ANO10: variants seen among roughly 807,000 people sequenced by gnomAD.
ANO10 encodes anoctamin 10.
In ANO10, 77 loss-of-function variants were observed where a neutral mutation model predicts 74.7. The ratio of observed to expected loss-of-function variants is 1.03; its 90% CI spans 0.86 to 1.25. The LOEUF is 1.25. ANO10 is among the 50% of genes most tolerant of loss of function. ANO10 has a pLI of 0.00. For missense variants in ANO10, 721 were observed against 778.1 expected (o/e 0.93, Z 0.87); for synonymous variants, 279 against 284.9 (o/e 0.98, Z 0.21).
intron 11 of ANO10, among the ~76,000 whole-genome samples, chr3:43,477,657 G>A (rs2076116572): frequency 6.6e-6 from 1 of 152,188 alleles, no homozygotes; most frequent in Non-Finnish European, 1.5e-5. Flanking sequence ...GGAATAGCCT[G>A]ATGACAAATT....
intron 3 of ANO10, among the ~76,000 whole-genome samples, chr3:43,599,879 C>A (rs2082255800): frequency 6.6e-6 from 1 of 150,566 alleles, no homozygotes; most frequent in Non-Finnish European, 1.5e-5. Flanking sequence ...GCACTCCAGC[C>A]TGGGCGACAG....
intron 10 of ANO10, among the ~76,000 whole-genome samples, chr3:43,554,188 T>C (rs1348902411): frequency 7.4e-6 from 1 of 134,642 alleles, no homozygotes; most frequent in African/African-American, 3.3e-5. Context: ...TGATTTTTCT[T>C]TTTTTTTTTT....
intron 7 of ANO10, among the ~76,000 whole-genome samples, chr3:43,571,817 C>A (rs2080738781): frequency 6.9e-6 from 1 of 144,880 alleles, no homozygotes. Flanking sequence ...CACATGTACC[C>A]TAAAACTTAA....
At chr3:43,522,674 G>T (rs1191144361) in intron 11 of ANO10, among the ~76,000 whole-genome samples, 1 of 152,214 alleles carries the variant, frequency 6.6e-6, no homozygotes, top group Non-Finnish European at 1.5e-5. Context: ...TCTGGGCAAA[G>T]AAGAGGTTGG....
chr3:43,393,553 T>C (rs2125722298), intron 12 of ANO10, among the ~76,000 whole-genome samples: 1 of 152,238 alleles, frequency 6.6e-6, no homozygotes, highest in East Asian at 1.9e-4. Context: ...GCTTTTGGGA[T>C]AAAGGCAACA....
intron 12 of ANO10, among the ~76,000 whole-genome samples, chr3:43,367,398 A>G (rs1380564027): frequency 2.6e-5 from 4 of 152,178 alleles, no homozygotes; most frequent in Non-Finnish European, 5.9e-5. Context: ...AGTGAGAGCA[A>G]TAGTGCCTAT....
chr3:43,630,978 T>C (rs535158294), intron 1 of ANO10, among the ~76,000 whole-genome samples: 1 of 152,246 alleles, frequency 6.6e-6, no homozygotes, highest in South Asian at 2.1e-4. Context: ...GCAAGAGGTA[T>C]ATGTTAGTAG....
At chr3:43,601,980 G>T (rs574013378) in intron 2 of ANO10, among the ~76,000 whole-genome samples, 1 of 152,328 alleles carries the variant, frequency 6.6e-6, no homozygotes, top group African/African-American at 2.4e-5. Flanking sequence ...GCTGGGCACG[G>T]AGGGGACACC....
Position 43,612,896 on chromosome 3 carries a change from G to A in ANO10, c.-11-7033C>T, listed in dbSNP as rs189131448. The stretch of plus-strand genomic sequence containing the variant: ...TAAAATTATACTCCCGGCTGGGCAC[G>A]GTGGCTCACGCCTATAATCCCAACA... On this transcript the variant is annotated intron_variant, in intron 1 of 12. Transcript: ENST00000292246. 8.6e-4 allele frequency among the ~76,000 whole-genome samples: 131 copies of A among 152,216 alleles called. 1 individual carries two copies. The highest frequency in any genetic ancestry group is 1.2e-3 in the Non-Finnish European group (82 of 68,020).
At chr3:43,597,160 T>C (rs1241862128) in intron 4 of ANO10, among the ~76,000 whole-genome samples, 1 of 152,210 alleles carries the variant, frequency 6.6e-6, no homozygotes, top group South Asian at 2.1e-4. Flanking sequence ...TTTTACACTG[T>C]TGGTGGGACG....
intron 12 of ANO10, among the ~76,000 whole-genome samples, chr3:43,419,499 T>C (rs925424001): frequency 1.3e-5 from 2 of 152,090 alleles, no homozygotes; most frequent in East Asian, 1.9e-4. Flanking sequence ...GTTTCAATCA[T>C]AGATGTATTC....
chr3:43,625,179 G>A (rs192969827), upstream of ANO10, among the ~76,000 whole-genome samples: 48 of 152,142 alleles, frequency 3.2e-4, no homozygotes, highest in Middle Eastern at 3.4e-3. Context: ...CGGAGGGAGA[G>A]AAAAAAAGGA....
intron 1 of ANO10, among the ~76,000 whole-genome samples, chr3:43,628,686 T>C (rs963782414): frequency 5.9e-5 from 9 of 152,144 alleles, no homozygotes; most frequent in African/African-American, 1.9e-4. Context: ...AAAGAGAATA[T>C]GCACTTAGGG....
At chr3:43,386,205 T>C (rs2125706588) in intron 12 of ANO10, among the ~76,000 whole-genome samples, 1 of 152,310 alleles carries the variant, frequency 6.6e-6, no homozygotes, top group African/African-American at 2.4e-5. Context: ...AAATCATTTT[T>C]GTTTGAAGGA....
intron 1 of ANO10, among the ~76,000 whole-genome samples, chr3:43,612,628 T>C (rs938123034): frequency 4.6e-5 from 7 of 152,208 alleles, no homozygotes; most frequent in African/African-American, 9.7e-5. Flanking sequence ...ATTCTAACTG[T>C]GCACTTCATA....
intron 11 of ANO10, among the ~76,000 whole-genome samples, chr3:43,531,717 A>G (rs1198471110): frequency 6.6e-6 from 1 of 152,006 alleles, no homozygotes; most frequent in African/African-American, 2.4e-5. Context: ...AACATGGTGA[A>G]ACCCCATCTC....
At chr3:43,554,124 C>A (rs2079616868) in intron 10 of ANO10, among the ~76,000 whole-genome samples, 1 of 151,404 alleles carries the variant, frequency 6.6e-6, no homozygotes, top group African/African-American at 2.4e-5. Flanking sequence ...GTGGCATCTG[C>A]TGACTGTCTT....
At chr3:43,662,183 G>T (rs2083934114) in intron 1 of ANO10, among the ~76,000 whole-genome samples, 1 of 152,172 alleles carries the variant, frequency 6.6e-6, no homozygotes, top group African/African-American at 2.4e-5. Context: ...AAATGTAAAA[G>T]AACAGAAATC....
At chr3:43,529,366 C>A (rs973040088) in intron 11 of ANO10, among the ~76,000 whole-genome samples, 11 of 152,172 alleles carry the variant, frequency 7.2e-5, no homozygotes, top group African/African-American at 2.2e-4. Context: ...CTTGAGAAAT[C>A]TTTTGCCACT....
Sources: allele counts gnomAD v4.1 joint callset (sites outside exome capture counted in the v4.1 genomes callset), GRCh38; gene constraint gnomAD v4.1.1; transcripts MANE v1.5; gene names NCBI Gene and HGNC (gene_info 2026-07-23, HGNC 2026-07-21).